FSIP2: variants seen among roughly 807,000 people sequenced by gnomAD.
The protein encoded by FSIP2 is fibrous sheath interacting protein 2, also known as fibrous sheath-interacting protein 2.
FSIP2 carries 367 observed loss-of-function variants against 510.5 expected under a neutral mutation model. That is an observed-to-expected ratio of 0.72 (90% CI 0.66 to 0.78). The LOEUF is 0.78. Ranked by LOEUF, FSIP2 falls within the 30% of genes least tolerant of loss-of-function variation. The pLI is 0.00. For synonymous variants in FSIP2, 2,601 were observed against 2,732.2 expected, an observed-to-expected ratio of 0.95 and a Z score of 1.50; for missense variants, 7,594 against 7,901.7, an observed-to-expected ratio of 0.96 and a Z score of 1.48.
In FSIP2 at chr2:185,799,803, T is replaced by C; in HGVS notation, c.10497T>C (p.Cys3499=). The C allele has an allele frequency of 2.6e-6, 4 of 1,531,246 alleles. No individual in the cohort carries two copies. Among genetic ancestry groups the C allele is most frequent in the Non-Finnish European group, 3.5e-6 (4 of 1,143,802 alleles). The allele number at this position is 1,531,246 out of a possible 1,614,324, so 94.9% of individuals were successfully genotyped here. The change falls in exon 17 of 23, where the codon TGT becomes TGC. Residue 3499 remains cysteine, a synonymous_variant. Transcript: ENST00000424728. ...ATGATTCTTCAATTTATCAATGTTG[T>C]GAACATCTCACTGAGTCAGTACTTT... ...IYDDSSIYQC[C]EHLTESVLYH...
chr2:185,806,223 G>A lies in FSIP2; in HGVS notation c.16917G>A (p.Gly5639=). Residue 5639 remains glycine, a synonymous_variant, in exon 17 of 23, where the codon GGG becomes GGA. Transcript: ENST00000424728. ...LSSLKSKRNL[G]TTTDTLEIRI... The stretch of plus-strand genomic sequence containing the variant: ...CCTTGAAGTCCAAGAGAAATCTAGG[G>A]ACTACAACAGATACTTTGGAAATAA... 6.2e-7 allele frequency: 1 copy of A among 1,608,734 alleles called. No individual in the cohort carries two copies. Among genetic ancestry groups the A allele is most frequent in the Non-Finnish European group, 8.5e-7 (1 of 1,177,490 alleles).
At chr2:185,765,786 T>C (rs1456412955) in intron 13 of FSIP2, 1 of 152,054 alleles carries the variant, frequency 6.6e-6, no homozygotes, top group East Asian at 1.9e-4. Context: ...GCATGGAATG[T>C]TCTTCTATTT....
chr2:185,776,693 T>C (rs1413651193), intron 13 of FSIP2, among the ~76,000 whole-genome samples: 1 of 152,190 alleles, frequency 6.6e-6, no homozygotes, highest in Non-Finnish European at 1.5e-5. Context: ...GTTTTATGGA[T>C]ATACAAAATA....
At chr2:185,831,066 A>G (rs1270775768) in intron 21 of FSIP2, among the ~76,000 whole-genome samples, 1 of 151,912 alleles carries the variant, frequency 6.6e-6, no homozygotes. Context: ...AACTCTTGTA[A>G]TAGTTATCTG....
rs149505032 is a variant in FSIP2, at chr2:185,741,762, A to G, written c.226-1371A>G. The stretch of plus-strand genomic sequence containing the variant: ...AAAGTTTAATGTTAAACAAGAGGTC[A>G]GAAACTTAAAGAAGCTTTTAAATGC... On this transcript the variant is annotated intron_variant, in intron 2 of 22. Transcript: ENST00000424728. Among the ~76,000 whole-genome samples the G allele has an allele frequency of 7.9e-5, 12 of 152,348 alleles. No individual in the cohort carries two copies. In the East Asian group the frequency reaches 1.7e-3, roughly 22 times the overall value.
intron 20 of FSIP2, among the ~76,000 whole-genome samples, chr2:185,825,568 G>A (rs1400271686): frequency 1.3e-5 from 2 of 151,728 alleles, no homozygotes; most frequent in African/African-American, 4.8e-5. Flanking sequence ...TGTACCCTGT[G>A]ACTCTACATA....
chr2:185,825,152 T>A (rs1474768429), intron 20 of FSIP2, among the ~76,000 whole-genome samples: 1 of 151,782 alleles, frequency 6.6e-6, no homozygotes, highest in East Asian at 1.9e-4. Context: ...ATTCTCCCAA[T>A]TTGAGAGTGA....
chr2:185,777,393 G>GT (rs10567134), intron 13 of FSIP2, among the ~76,000 whole-genome samples: 1,563 of 122,542 alleles, frequency 0.013, 24 homozygotes, highest in Middle Eastern at 0.047. Flanking sequence ...TATAATTGTA[G>GT]TTTTTTTTTT....
At chr2:185,824,767 G>A (rs1181957459) in intron 20 of FSIP2, among the ~76,000 whole-genome samples, 1 of 151,656 alleles carries the variant, frequency 6.6e-6, no homozygotes, top group Non-Finnish European at 1.5e-5. Flanking sequence ...AGAGTGTATT[G>A]TAACAGCAGT....
intron 13 of FSIP2, among the ~76,000 whole-genome samples, chr2:185,774,739 A>C (rs1402258742): frequency 1.2e-5 from 1 of 86,000 alleles, no homozygotes; most frequent in East Asian, 4.1e-4. Context: ...CCCTCCCCCC[A>C]CCCCACAACA....
chr2:185,809,192 A>T, intron 17 of FSIP2, 59 bp downstream of exon 17: 1 of 1,492,322 alleles, frequency 6.7e-7, no homozygotes, highest in East Asian at 2.3e-5. Flanking sequence ...TTCTTCTGTG[A>T]TTTCCTTCCT....
At position 185,804,985 on chromosome 2, in the gene FSIP2, A is replaced by T. The variant is rs775708578; in HGVS notation, c.15679A>T (p.Ile5227Phe). The T allele has an allele frequency of 4.5e-6, 7 of 1,558,496 alleles. No individual in the cohort carries two copies. The highest frequency in any genetic ancestry group is 4.3e-6 in the Non-Finnish European group (5 of 1,157,280). Residue 5227 changes from isoleucine (I) to phenylalanine (F), a missense_variant, in exon 17 of 23, where the codon ATT becomes TTT. Transcript: ENST00000424728. ...ATTCCTCAGTAAATTAGCTGGTTTT[A>T]TTATGAAAGAAATCATGTATCATCA... ...CSFLSKLAGF[I>F]MKEIMYHHLQ...
At position 185,738,855 on chromosome 2, in the gene FSIP2, C is replaced by T. The variant is rs537774134; in HGVS notation, c.-40C>T. ...ACAACGGGGTGCTAGAGAAGGAGAGCGGGGCGGGTGAGGAAGGGGCTGAGG... is the reference window on the plus strand; with the variant it reads ...ACAACGGGGTGCTAGAGAAGGAGAGTGGGGCGGGTGAGGAAGGGGCTGAGG... On this transcript the variant is annotated 5_prime_UTR_variant, in exon 1 of 23. Coordinates refer to ENST00000424728, the MANE Select transcript of FSIP2 (RefSeq NM_173651.4). The T allele has an allele frequency of 8.5e-6, 13 of 1,530,796 alleles. No individual in the cohort carries two copies. The highest frequency in any genetic ancestry group is 7.4e-5 in the East Asian group (3 of 40,626). The allele number at this position is 1,530,796 out of a possible 1,614,324, so 94.8% of individuals were successfully genotyped here.
At chr2:185,741,626 G>A (rs552217317) in intron 2 of FSIP2, among the ~76,000 whole-genome samples, 1 of 152,194 alleles carries the variant, frequency 6.6e-6, no homozygotes, top group South Asian at 2.1e-4. Flanking sequence ...CTTCATATGT[G>A]GATTCACTGA....
chr2:185,828,387 T>C (rs1694052010), intron 21 of FSIP2, among the ~76,000 whole-genome samples, 188 bp downstream of exon 21: 1 of 151,882 alleles, frequency 6.6e-6, no homozygotes, highest in Non-Finnish European at 1.5e-5. Context: ...TATTAAAATA[T>C]GTTAACAAAA....
intron 8 of FSIP2, 27 bp downstream of exon 8, chr2:185,753,869 T>C (rs1264566520): frequency 7.2e-7 from 1 of 1,394,774 alleles, no homozygotes; most frequent in Non-Finnish European, 9.4e-7. Flanking sequence ...TAAAAGATGA[T>C]GTAGCTAAGT....
Position 185,788,880 on chromosome 2 carries a change from G to T in FSIP2, c.1744G>T (p.Glu582Ter). Residue 582 changes from glutamate to a stop codon, truncating the protein, a stop_gained, in exon 16 of 23, where the codon GAA becomes TAA. Transcript: ENST00000424728. LOFTEE classifies it high-confidence loss of function. ...TSATTKTFQA[E>*]PCAFVVDTSV... ...TGCAACAACTAAAACATTTCAGGCA[G>T]AACCCTGTGCATTTGTAGTTGACAC... 6.5e-7 allele frequency: 1 copy of T among 1,534,986 alleles called. No homozygotes were observed. The highest frequency in any genetic ancestry group is 8.7e-7 in the Non-Finnish European group (1 of 1,146,034).
chr2:185,777,491 T>TA (rs1308806751), intron 13 of FSIP2, among the ~76,000 whole-genome samples: 2 of 151,122 alleles, frequency 1.3e-5, no homozygotes, highest in Non-Finnish European at 1.5e-5. Flanking sequence ...CTTTCTTAAT[T>TA]AAAAAAAAGT....
Position 185,794,258 on chromosome 2 carries a change from A to G in FSIP2, c.7122A>G (p.Ile2374Met), listed in dbSNP as rs1442377005. The G allele has an allele frequency of 6.5e-6, 10 of 1,531,450 alleles. No individual in the cohort carries two copies. Among genetic ancestry groups the G allele is most frequent in the Non-Finnish European group, 8.7e-6 (10 of 1,144,600 alleles). 94.9% of individuals were successfully genotyped at this position (1,531,450 alleles called of 1,614,324 possible). A position where few individuals can be genotyped will look rare whatever the true frequency, so the allele number is the denominator to read the frequency against. Reference sequence around the variant, plus strand: ...ACTTAGACTTAGAAATTCAAAAGATATATCCATATCAAAACAATATTTTGT... The same window carrying G: ...ACTTAGACTTAGAAATTCAAAAGATGTATCCATATCAAAACAATATTTTGT... ...KNDLDLEIQK[I>M]YPYQNNILFQ... is the part of the protein sequence containing the mutation. Residue 2374 changes from isoleucine (I) to methionine (M), a missense_variant, in exon 16 of 23, where the codon ATA (isoleucine) becomes ATG (methionine). Coordinates refer to ENST00000424728, the MANE Select transcript of FSIP2 (RefSeq NM_173651.4).
Sources: allele counts gnomAD v4.1 joint callset (sites outside exome capture counted in the v4.1 genomes callset), GRCh38; gene constraint gnomAD v4.1.1; transcripts MANE v1.5; gene names NCBI Gene and HGNC (gene_info 2026-07-23, HGNC 2026-07-21).